Variants in OOSP1 observed in about 807,000 individuals in gnomAD.
The protein encoded by OOSP1 is putative oocyte-secreted protein 1 homolog.
A neutral mutation model predicts 5.7 loss-of-function variants in OOSP1; 11 were observed. The observed-to-expected ratio is 1.94, with a 90% CI of 1.22 to 3.20. The LOEUF is 3.20. OOSP1 is among the 30% of genes most tolerant of loss of function. The pLI is 0.00. For synonymous variants in OOSP1, 44 were observed against 20.0 expected (o/e 2.20, Z -3.20); for missense variants, 83 against 54.1 (o/e 1.53, Z -1.67).
chr11:59,956,464 G>C (rs1853994789), intron 4 of OOSP1, among the ~76,000 whole-genome samples: 1 of 152,062 alleles, frequency 6.6e-6, no homozygotes, highest in South Asian at 2.1e-4. Context: ...TTGAAGAAAA[G>C]ATGATTCTTA....
chr11:59,938,988 C>A (rs181927307), intron 1 of OOSP1, among the ~76,000 whole-genome samples: 4 of 152,262 alleles, frequency 2.6e-5, no homozygotes, highest in African/African-American at 9.6e-5. Context: ...TCAGTGCCCC[C>A]TAAGTGAGGT....
At chr11:59,953,390 T>TA (rs1427011779) in intron 4 of OOSP1, among the ~76,000 whole-genome samples, 5 of 152,110 alleles carry the variant, frequency 3.3e-5, no homozygotes, top group Admixed American at 3.3e-4. Flanking sequence ...TATATATATA[T>TA]TTTTTCTCTC....
intron 4 of OOSP1, among the ~76,000 whole-genome samples, chr11:59,951,473 A>G (rs1853939048): frequency 6.6e-6 from 1 of 152,098 alleles, no homozygotes; most frequent in African/African-American, 2.4e-5. Context: ...ATTGCGAGCT[A>G]TAAAGTCACA....
intron 4 of OOSP1, among the ~76,000 whole-genome samples, chr11:59,953,442 C>T (rs1853960496): frequency 6.6e-6 from 1 of 152,088 alleles, no homozygotes; most frequent in Non-Finnish European, 1.5e-5. Flanking sequence ...CAGAAATGTA[C>T]TGATGTGTTC....
chr11:59,940,450 G>T (rs903056361), intron 1 of OOSP1, among the ~76,000 whole-genome samples: 1 of 152,172 alleles, frequency 6.6e-6, no homozygotes, highest in Non-Finnish European at 1.5e-5. Flanking sequence ...CGTCAAATTT[G>T]TGGATCTGTA....
At chr11:59,953,164 T>C (rs1167920137) in intron 4 of OOSP1, among the ~76,000 whole-genome samples, 1 of 152,158 alleles carries the variant, frequency 6.6e-6, no homozygotes, top group Admixed American at 6.6e-5. Flanking sequence ...CTTCAGCCCC[T>C]TGATTATTCT....
chr11:59,947,002 T>G (rs1853891932), intron 3 of OOSP1, among the ~76,000 whole-genome samples: 1 of 151,784 alleles, frequency 6.6e-6, no homozygotes, highest in Non-Finnish European at 1.5e-5. Flanking sequence ...AAACTAAAAA[T>G]AAAAAAATTT....
chr11:59,947,558 A>G (rs1216089258), intron 3 of OOSP1, among the ~76,000 whole-genome samples, 175 bp from the exon 4 acceptor site: 2 of 152,136 alleles, frequency 1.3e-5, no homozygotes, highest in Non-Finnish European at 2.9e-5. Flanking sequence ...TCTTAGCACC[A>G]CAAATACTGC....
Position 59,945,103 on chromosome 11 carries a change from A to C in OOSP1, c.259-66A>C, listed in dbSNP as rs1853867391. 5.8e-6 allele frequency: 4 copies of C among 692,972 alleles called. No individual in the cohort carries two copies. The Admixed American group carries it at 8.2e-5, about 14-fold the overall frequency. 42.9% of individuals were successfully genotyped at this position (692,972 alleles called of 1,614,324 possible). A position where few individuals can be genotyped will look rare whatever the true frequency, so the allele number is the denominator to read the frequency against. ...TGATGTATCTATAAATTCCTATTTA[A>C]ATGCCTGTAAGTTTCCTGAGATACT... On this transcript the variant is annotated intron_variant, in intron 2 of 4. Transcript: ENST00000646685.
At chr11:59,942,708 T>C in intron 1 of OOSP1, 139 bp from the exon 2 acceptor site, 1 of 574,154 alleles carries the variant, frequency 1.7e-6, no homozygotes, top group Non-Finnish European at 3.1e-6. Context: ...GACCATGTTT[T>C]GCAAACTTGT....
At chr11:59,946,168 T>C (rs1853881209) in intron 3 of OOSP1, among the ~76,000 whole-genome samples, 1 of 152,118 alleles carries the variant, frequency 6.6e-6, no homozygotes, top group Non-Finnish European at 1.5e-5. Context: ...CTCAGATTAG[T>C]AGTGGCATTG....
At chr11:59,957,099 T>G (rs1854000700) in intron 4 of OOSP1, 96 bp from the exon 5 acceptor site, 1 of 392,890 alleles carries the variant, frequency 2.5e-6, no homozygotes, top group Non-Finnish European at 4.5e-6. Flanking sequence ...CCTAAATTTG[T>G]TCCTTTTAAA....
At chr11:59,944,610 A>G (rs1007520134) in intron 2 of OOSP1, among the ~76,000 whole-genome samples, 1 of 152,104 alleles carries the variant, frequency 6.6e-6, no homozygotes, top group Non-Finnish European at 1.5e-5. Context: ...TTTACTATTA[A>G]TTGTCTTAAC....
At chr11:59,954,456 T>C (rs73493126) in intron 4 of OOSP1, among the ~76,000 whole-genome samples, 5,218 of 152,184 alleles carry the variant, frequency 0.034, 270 homozygotes, top group African/African-American at 0.11. Context: ...CATGGGATGC[T>C]AAGTTAAATT....
intron 1 of OOSP1, among the ~76,000 whole-genome samples, chr11:59,940,019 C>T (rs139421270): frequency 5.9e-5 from 9 of 152,172 alleles, no homozygotes; most frequent in Admixed American, 3.3e-4. Context: ...GGATTAAAGG[C>T]GTGAGCCACT....
At chr11:59,940,186 G>T (rs1853810965) in intron 1 of OOSP1, among the ~76,000 whole-genome samples, 1 of 152,190 alleles carries the variant, frequency 6.6e-6, no homozygotes, top group Non-Finnish European at 1.5e-5. Flanking sequence ...TCTTTTATTA[G>T]GAACTATTTA....
In OOSP1 at chr11:59,951,190, G is replaced by T. The variant is rs143653904; in HGVS notation, c.486+3328G>T. ...AGGTTGAGGCACATCAGTAAGTCAG[G>T]TGGGGTAACCTCGTATTGCTCAAAT... On this transcript the variant is annotated intron_variant, in intron 4 of 4. Coordinates refer to ENST00000646685, the Ensembl canonical transcript of OOSP1. 2.8e-3 allele frequency among the ~76,000 whole-genome samples: 429 copies of T among 151,956 alleles called. 1 individual carries two copies. The highest frequency in any genetic ancestry group is 9.8e-3 in the African/African-American group (408 of 41,464).
At chr11:59,952,490 T>C (rs974157604) in intron 4 of OOSP1, among the ~76,000 whole-genome samples, 9 of 152,134 alleles carry the variant, frequency 5.9e-5, no homozygotes, top group African/African-American at 2.2e-4. Flanking sequence ...TGCAGGAACT[T>C]GGATGGAGCT....
At chr11:59,946,382 T>A (rs1479362251) in intron 3 of OOSP1, among the ~76,000 whole-genome samples, 1 of 152,158 alleles carries the variant, frequency 6.6e-6, no homozygotes, top group Non-Finnish European at 1.5e-5. Context: ...GCTAAACCAT[T>A]CGTGAAGGGT....
Sources: gnomAD v4.1 joint callset for allele counts (sites outside exome capture counted in the v4.1 genomes callset) on GRCh38, gnomAD v4.1.1 for gene constraint, MANE v1.5 for transcripts, NCBI Gene and HGNC (gene_info 2026-07-23, HGNC 2026-07-21) for gene names.